Variants in PPP2R2B observed in about 807,000 individuals in gnomAD.
PPP2R2B encodes the protein protein phosphatase 2 regulatory subunit Bbeta, also known as serine/threonine-protein phosphatase 2A 55 kDa regulatory subunit B beta isoform.
Under a neutral mutation model 46.0 loss-of-function variants are expected in PPP2R2B, and 5 were observed. The observed-to-expected ratio is 0.11, with a 90% CI of 0.06 to 0.23. The LOEUF is 0.23. Ranked by LOEUF, PPP2R2B falls within the 10% of genes least tolerant of loss-of-function variation. The probability of loss-of-function intolerance (pLI) is 1.00; values close to 1 mark genes in which losing one functional copy is unlikely to be tolerated. For synonymous variants in PPP2R2B, 215 were observed against 206.7 expected, an observed-to-expected ratio of 1.04 and a Z score of -0.34; for missense variants, 367 against 575.0, an observed-to-expected ratio of 0.64 and a Z score of 3.70.
chr5:146,745,414 T>A (rs1561874139), intron 2 of PPP2R2B, among the ~76,000 whole-genome samples: 1 of 152,210 alleles, frequency 6.6e-6, no homozygotes, highest in Non-Finnish European at 1.5e-5. Flanking sequence ...TGCAGGGTTG[T>A]TATGGAAGAT....
intron 2 of PPP2R2B, among the ~76,000 whole-genome samples, chr5:146,853,190 C>A (rs1760454859): frequency 6.6e-6 from 1 of 152,096 alleles, no homozygotes; most frequent in Non-Finnish European, 1.5e-5. Flanking sequence ...TGTGTTGAGG[C>A]CATAGAATTA....
upstream of PPP2R2B, among the ~76,000 whole-genome samples, chr5:147,057,178 C>T (rs900233990): frequency 1.8e-4 from 28 of 152,202 alleles, no homozygotes; most frequent in Non-Finnish European, 2.6e-4. Context: ...TCCATTCCCC[C>T]ACCAGTATGC....
intron 2 of PPP2R2B, among the ~76,000 whole-genome samples, chr5:146,877,515 G>A (rs1371652403): frequency 6.6e-6 from 1 of 152,156 alleles, no homozygotes; most frequent in East Asian, 1.9e-4. Flanking sequence ...GCTTTTTGGG[G>A]TTTTGATTGT....
chr5:146,948,040 C>A (rs1314316611), intron 1 of PPP2R2B, among the ~76,000 whole-genome samples: 1 of 151,754 alleles, frequency 6.6e-6, no homozygotes, highest in Non-Finnish European at 1.5e-5. Context: ...ATATTTTTCC[C>A]CTACTCCTCT....
At chr5:146,861,546 T>C (rs1198216325) in intron 2 of PPP2R2B, among the ~76,000 whole-genome samples, 11 of 152,220 alleles carry the variant, frequency 7.2e-5, no homozygotes, top group Non-Finnish European at 1.6e-4. Context: ...ATTCGCTACA[T>C]TAATTCCCAG....
intron 2 of PPP2R2B, among the ~76,000 whole-genome samples, chr5:146,806,399 G>A (rs1259200255): frequency 6.6e-6 from 1 of 152,060 alleles, no homozygotes; most frequent in Admixed American, 6.5e-5. Flanking sequence ...CATACCTCCA[G>A]GAAATAGCTT....
chr5:146,728,438 A>C (rs1752017406), intron 2 of PPP2R2B, among the ~76,000 whole-genome samples: 1 of 152,102 alleles, frequency 6.6e-6, no homozygotes, highest in Non-Finnish European at 1.5e-5. Flanking sequence ...ATGGGCTCAG[A>C]GATTATGTTC....
chr5:146,873,050 GT>G (rs1761703690), intron 2 of PPP2R2B, among the ~76,000 whole-genome samples: 1 of 152,156 alleles, frequency 6.6e-6, no homozygotes, highest in Non-Finnish European at 1.5e-5. Flanking sequence ...CTACTTGCAA[GT>G]CTCACTGTGA....
At chr5:147,077,310 A>ACCCC (rs1253128996) in intron 2 of PPP2R2B, among the ~76,000 whole-genome samples, 2 of 131,048 alleles carry the variant, frequency 1.5e-5, no homozygotes, top group African/African-American at 6.5e-5. Flanking sequence ...ACACACACAC[A>ACCCC]CCCACACCCA....
intron 2 of PPP2R2B, among the ~76,000 whole-genome samples, chr5:146,793,323 A>G (rs1756329409): frequency 2.0e-5 from 3 of 152,192 alleles, no homozygotes; most frequent in Admixed American, 2.0e-4. Context: ...CCAAATAGAA[A>G]TTTTGAAGCA....
intron 2 of PPP2R2B, among the ~76,000 whole-genome samples, chr5:146,716,305 A>G (rs1371434207): frequency 6.6e-6 from 1 of 152,178 alleles, no homozygotes; most frequent in Admixed American, 6.5e-5. Flanking sequence ...TTTACATGAG[A>G]TCCATGACAT....
rs563324885 is a variant in PPP2R2B, at chr5:146,950,058, C to T, written c.79+105607G>A. On this transcript the variant is annotated intron_variant, in intron 1 of 8. Coordinates refer to the PPP2R2B transcript ENST00000336640. ...TAAGAGCCAGTATTTGATAGCACAA[C>T]AGAATGATTACTGTCAACAATAATT... Among the ~76,000 whole-genome samples the T allele has an allele frequency of 1.4e-4, 21 of 151,984 alleles. 1 individual carries two copies. In the South Asian group the frequency reaches 4.4e-3, roughly 32 times the overall value.
At chr5:146,873,713 G>A (rs1258318587) in intron 2 of PPP2R2B, among the ~76,000 whole-genome samples, 2 of 152,246 alleles carry the variant, frequency 1.3e-5, no homozygotes, top group East Asian at 3.9e-4. Context: ...CTGGGTTCAT[G>A]CGATTTCCTG....
chr5:146,694,946 T>C (rs1214981287), intron 4 of PPP2R2B, among the ~76,000 whole-genome samples: 1 of 152,120 alleles, frequency 6.6e-6, no homozygotes, highest in East Asian at 1.9e-4. Flanking sequence ...ATAGAATATA[T>C]TTGTATACTA....
chr5:146,955,629 G>T (rs1322703622), intron 1 of PPP2R2B, among the ~76,000 whole-genome samples: 1 of 152,016 alleles, frequency 6.6e-6, no homozygotes, highest in East Asian at 1.9e-4. Flanking sequence ...TTAACACCCA[G>T]CACAAGAAGA....
chr5:146,592,053 A>G, intron 9 of PPP2R2B: 1 of 415,104 alleles, frequency 2.4e-6, no homozygotes, highest in South Asian at 1.8e-5. Flanking sequence ...AAATACCTAT[A>G]AATAAATAAT....
At chr5:147,073,766 C>A (rs763902012) in intron 2 of PPP2R2B, among the ~76,000 whole-genome samples, 2 of 152,084 alleles carry the variant, frequency 1.3e-5, no homozygotes, top group Admixed American at 6.6e-5. Context: ...ATGGGCGGGG[C>A]GTGGTGGCTC....
chr5:146,881,125 A>T (rs1447888820), upstream of PPP2R2B, among the ~76,000 whole-genome samples: 1 of 152,140 alleles, frequency 6.6e-6, no homozygotes, highest in Non-Finnish European at 1.5e-5. Context: ...CAAAAGACTC[A>T]CTGGCCACTT....
intron 1 of PPP2R2B, among the ~76,000 whole-genome samples, chr5:146,961,847 G>C (rs1289182280): frequency 6.6e-6 from 1 of 151,774 alleles, no homozygotes; most frequent in African/African-American, 2.4e-5. Flanking sequence ...AAGCAAAAGG[G>C]ATTTTCTATG....
Sources: allele counts gnomAD v4.1 joint callset (sites outside exome capture counted in the v4.1 genomes callset), GRCh38; gene constraint gnomAD v4.1.1; transcripts MANE v1.5; gene names NCBI Gene and HGNC (gene_info 2026-07-23, HGNC 2026-07-21).